PPARGC1A: variants seen among roughly 807,000 people sequenced by gnomAD.
PPARGC1A encodes PPARG coactivator 1 alpha.
PPARGC1A carries 25 observed loss-of-function variants against 88.7 expected under a neutral mutation model. The observed-to-expected ratio is 0.28, with a 90% CI of 0.21 to 0.39. The LOEUF (loss-of-function observed/expected upper bound fraction) is 0.39. Among genes scored for constraint, PPARGC1A ranks in the 10% least tolerant of loss-of-function variants. The pLI, the probability that PPARGC1A is intolerant of heterozygous loss-of-function variation, is 1.00. For synonymous variants in PPARGC1A, 363 were observed against 355.6 expected, an observed-to-expected ratio of 1.02 and a Z score of -0.24; for missense variants, 880 against 968.7, an observed-to-expected ratio of 0.91 and a Z score of 1.22.
intron 2 of PPARGC1A, among the ~76,000 whole-genome samples, chr4:23,852,318 G>A (rs1348310754): frequency 6.6e-6 from 1 of 152,142 alleles, no homozygotes; most frequent in Non-Finnish European, 1.5e-5. Context: ...AATTGTATCT[G>A]AAATTTCTGC....
At chr4:23,846,705 T>A (rs58051552) in intron 2 of PPARGC1A, among the ~76,000 whole-genome samples, 16,578 of 152,088 alleles carry the variant, frequency 0.11, 940 homozygotes, top group East Asian at 0.2. Flanking sequence ...GATATAGCGA[T>A]GAACAAAATA....
chr4:24,387,797 A>G, the PPARGC1A span, among the ~76,000 whole-genome samples: 1 of 113,206 alleles, frequency 8.8e-6, no homozygotes, highest in Non-Finnish European at 2.0e-5. Flanking sequence ...AGAAAGAAAG[A>G]AAGAAAGAAA....
chr4:23,940,380 G>A, the PPARGC1A span, among the ~76,000 whole-genome samples: 1 of 152,172 alleles, frequency 6.6e-6, no homozygotes, highest in Non-Finnish European at 1.5e-5. Context: ...GGAAGCTCCA[G>A]AAGGAGGTGA....
intron 2 of PPARGC1A, among the ~76,000 whole-genome samples, chr4:23,858,587 C>T (rs1302302965): frequency 1.3e-5 from 2 of 152,266 alleles, no homozygotes; most frequent in East Asian, 3.9e-4. Flanking sequence ...CCCTTTAAGT[C>T]CTGGTTTCCT....
At chr4:24,457,402 T>C in the PPARGC1A span, among the ~76,000 whole-genome samples, 14 of 151,654 alleles carry the variant, frequency 9.2e-5, no homozygotes, top group African/African-American at 2.7e-4. Context: ...ATGAGCTTTA[T>C]TTTTCACAAA....
the PPARGC1A span, among the ~76,000 whole-genome samples, chr4:24,140,373 T>G: frequency 6.6e-6 from 1 of 152,328 alleles, no homozygotes; most frequent in East Asian, 1.9e-4. Context: ...GTAATCACAT[T>G]GCTTTAAGAC....
the PPARGC1A span, among the ~76,000 whole-genome samples, chr4:24,426,785 T>TAA: frequency 1.3e-5 from 2 of 152,186 alleles, no homozygotes; most frequent in African/African-American, 4.8e-5. Context: ...CCAGGAATCT[T>TAA]ATAATGATCT....
the PPARGC1A span, among the ~76,000 whole-genome samples, chr4:24,245,979 CTGT>C: frequency 6.6e-6 from 1 of 151,264 alleles, no homozygotes; most frequent in African/African-American, 2.4e-5. Context: ...GGTCCTAGTA[CTGT>C]TGTTGTTTTG....
the PPARGC1A span, among the ~76,000 whole-genome samples, chr4:24,434,330 C>T: frequency 6.6e-6 from 1 of 152,172 alleles, no homozygotes; most frequent in Non-Finnish European, 1.5e-5. Context: ...GGTAGCTTTT[C>T]ATCATGAGCT....
At chr4:24,100,550 C>T in the PPARGC1A span, among the ~76,000 whole-genome samples, 5 of 152,110 alleles carry the variant, frequency 3.3e-5, no homozygotes, top group South Asian at 8.3e-4. Context: ...AAGTGCATGA[C>T]GCCGCCTCTG....
the PPARGC1A span, among the ~76,000 whole-genome samples, chr4:24,357,608 G>A: frequency 2.3e-4 from 35 of 152,268 alleles, no homozygotes; most frequent in African/African-American, 7.7e-4. Flanking sequence ...TGTTCGATAT[G>A]GTTTTGCTGT....
the PPARGC1A span, among the ~76,000 whole-genome samples, chr4:24,296,780 A>T: frequency 6.6e-6 from 1 of 152,184 alleles, no homozygotes; most frequent in Non-Finnish European, 1.5e-5. Flanking sequence ...CAAATCTCTG[A>T]GATGCCTGTA....
chr4:24,436,311 A>T, the PPARGC1A span, among the ~76,000 whole-genome samples: 6 of 152,240 alleles, frequency 3.9e-5, no homozygotes, highest in African/African-American at 1.4e-4. Context: ...GATGGGTGTG[A>T]CTGATTTTTC....
At chr4:24,209,998 A>G in the PPARGC1A span, among the ~76,000 whole-genome samples, 1 of 152,212 alleles carries the variant, frequency 6.6e-6, no homozygotes, top group Non-Finnish European at 1.5e-5. Flanking sequence ...TAAAACGGGA[A>G]GAAGAACAGT....
chr4:24,388,368 GGT>G, the PPARGC1A span, among the ~76,000 whole-genome samples: 1 of 152,292 alleles, frequency 6.6e-6, no homozygotes, highest in African/African-American at 2.4e-5. Flanking sequence ...TTACATCGTT[GGT>G]GGGAGCGTAA....
At chr4:23,869,155 G>A (rs1391333732) in intron 2 of PPARGC1A, among the ~76,000 whole-genome samples, 1 of 152,158 alleles carries the variant, frequency 6.6e-6, no homozygotes, top group Non-Finnish European at 1.5e-5. Context: ...TAGCTTGCAG[G>A]TGAGTGATGG....
the PPARGC1A span, among the ~76,000 whole-genome samples, chr4:23,994,940 C>T: frequency 6.6e-6 from 1 of 152,130 alleles, no homozygotes; most frequent in East Asian, 1.9e-4. Context: ...CAACTCACTG[C>T]ATGAAGAAGG....
At chr4:24,225,178 T>C in the PPARGC1A span, among the ~76,000 whole-genome samples, 1 of 152,084 alleles carries the variant, frequency 6.6e-6, no homozygotes, top group African/African-American at 2.4e-5. Context: ...TTGAGAACAG[T>C]CCACAGGAGA....
the PPARGC1A span, among the ~76,000 whole-genome samples, chr4:23,997,870 T>C: frequency 6.6e-6 from 1 of 152,162 alleles, no homozygotes; most frequent in African/African-American, 2.4e-5. Context: ...ATATTGAACT[T>C]GCAAGTAAAT....
Sources: gnomAD v4.1 joint callset for allele counts (sites outside exome capture counted in the v4.1 genomes callset) on GRCh38, gnomAD v4.1.1 for gene constraint, MANE v1.5 for transcripts, NCBI Gene and HGNC (gene_info 2026-07-23, HGNC 2026-07-21) for gene names.